ANO3: variants seen among roughly 807,000 people sequenced by gnomAD.
ANO3 encodes anoctamin 3, also known as anoctamin-3.
A neutral mutation model predicts 144.8 loss-of-function variants in ANO3; 99 were observed. The observed-to-expected ratio is 0.68, with a 90% CI of 0.58 to 0.81. The LOEUF (loss-of-function observed/expected upper bound fraction) is 0.81. ANO3 is among the 30% of genes least tolerant of loss of function. The pLI is 0.00. For synonymous variants in ANO3, 414 were observed against 392.6 expected (o/e 1.05, Z -0.64); for missense variants, 905 against 1,202.2 (o/e 0.75, Z 3.66).
intron 14 of ANO3, among the ~76,000 whole-genome samples, chr11:26,595,460 G>GTGTTTTTTTTTTTTTTTTTTT: frequency 9.9e-6 from 1 of 101,388 alleles, no homozygotes; most frequent in Admixed American, 1.3e-4. Flanking sequence ...AGATAGAGTT[G>GTGTTTTTTTTTTTTTTTTTTT]TTTTTTTTTT....
Position 26,194,388 on chromosome 11 carries a change from C to T in ANO3, c.154+5058C>T, listed in dbSNP as rs942039790. On this transcript the variant is annotated intron_variant, in intron 1 of 27. Coordinates refer to the ANO3 transcript ENST00000672621. ...ACTTGGTAGGAAGTGAAACAAATGT[C>T]ATAATTCTTTTTCTAATTTTCAAAA... Among the ~76,000 whole-genome samples the T allele has an allele frequency of 3.4e-5, 5 of 147,442 alleles. No individual in the cohort carries two copies. In the South Asian group the frequency reaches 8.6e-4, roughly 25 times the overall value.
chr11:26,502,557 G>A (rs1304570112), intron 4 of ANO3, among the ~76,000 whole-genome samples: 1 of 152,048 alleles, frequency 6.6e-6, no homozygotes, highest in Non-Finnish European at 1.5e-5. Flanking sequence ...AATTTTATAT[G>A]TGCTGGATAA....
chr11:26,496,974 G>GTATATATA (rs71047855), intron 4 of ANO3, among the ~76,000 whole-genome samples: 12,510 of 136,154 alleles, frequency 0.092, 677 homozygotes, highest in South Asian at 0.2. Flanking sequence ...AATGTTGTGT[G>GTATATATA]TATATATATA....
intron 4 of ANO3, among the ~76,000 whole-genome samples, chr11:26,502,009 T>A (rs1470235538): frequency 1.3e-5 from 2 of 152,180 alleles, no homozygotes; most frequent in Non-Finnish European, 2.9e-5. Flanking sequence ...TACTGCACTT[T>A]GTGTTTTGTA....
At chr11:26,470,652 G>A (rs1339163280) in intron 4 of ANO3, among the ~76,000 whole-genome samples, 2 of 151,808 alleles carry the variant, frequency 1.3e-5, no homozygotes, top group Non-Finnish European at 2.9e-5. Context: ...TAATAAAGTG[G>A]CTGTAAAAAA....
At chr11:26,368,513 A>G (rs1856156360) in intron 1 of ANO3, among the ~76,000 whole-genome samples, 1 of 152,134 alleles carries the variant, frequency 6.6e-6, no homozygotes, top group Admixed American at 6.6e-5. Context: ...GAATAATAGT[A>G]CCTTTGACCA....
At chr11:26,498,001 G>T (rs371664435) in intron 4 of ANO3, among the ~76,000 whole-genome samples, 2 of 152,060 alleles carry the variant, frequency 1.3e-5, no homozygotes, top group African/African-American at 4.8e-5. Flanking sequence ...TAGAGTTTGT[G>T]TAGAAAGTTG....
At chr11:26,222,883 C>T (rs368868202) in intron 1 of ANO3, among the ~76,000 whole-genome samples, 3 of 152,130 alleles carry the variant, frequency 2.0e-5, no homozygotes, top group South Asian at 2.1e-4. Flanking sequence ...TCCTCCTAGG[C>T]CTCTGGACCT....
intron 4 of ANO3, among the ~76,000 whole-genome samples, chr11:26,485,906 C>T (rs1292160478): frequency 6.6e-6 from 1 of 152,156 alleles, no homozygotes; most frequent in Non-Finnish European, 1.5e-5. Flanking sequence ...AGTGAACAGA[C>T]AACCTGCACT....
intron 14 of ANO3, among the ~76,000 whole-genome samples, chr11:26,590,585 G>A (rs1851416752): frequency 6.6e-6 from 1 of 152,206 alleles, no homozygotes; most frequent in African/African-American, 2.4e-5. Flanking sequence ...CTTGGGCCCT[G>A]TGGTGAGTGC....
At chr11:26,496,732 G>T (rs945329462) in intron 4 of ANO3, among the ~76,000 whole-genome samples, 2 of 151,796 alleles carry the variant, frequency 1.3e-5, no homozygotes, top group African/African-American at 4.8e-5. Flanking sequence ...ATATTCGTGT[G>T]TACATATAAT....
At position 26,661,719 on chromosome 11, in the gene ANO3, G is replaced by A. The variant is rs1410751130; in HGVS notation, c.*1275G>A. 2 of 152,038 alleles carry A rather than the reference G, an allele frequency of 1.3e-5. No individual in the cohort carries two copies. Among genetic ancestry groups the A allele is most frequent in the Non-Finnish European group, 2.9e-5 (2 of 68,000 alleles). 9.4% of individuals were successfully genotyped at this position (152,038 alleles called of 1,614,324 possible). On this transcript the variant is annotated 3_prime_UTR_variant, in exon 27 of 27. Coordinates refer to ENST00000256737, the MANE Select transcript of ANO3 (RefSeq NM_031418.4). Reference sequence around the variant, plus strand: ...ACAAAAGACATAATTTTGCTTTGTTGTGGAATTTCTATTTCAACGTCAACT... The same window carrying A: ...ACAAAAGACATAATTTTGCTTTGTTATGGAATTTCTATTTCAACGTCAACT...
upstream of ANO3, among the ~76,000 whole-genome samples, chr11:26,307,308 T>A (rs1005839432): frequency 6.6e-6 from 1 of 151,830 alleles, no homozygotes; most frequent in Non-Finnish European, 1.5e-5. Flanking sequence ...AAGCTAAGAT[T>A]GCGTCATTGC....
chr11:26,460,112 A>G (rs1240841186), intron 3 of ANO3: 2 of 454,486 alleles, frequency 4.4e-6, no homozygotes, highest in Non-Finnish European at 8.8e-6. Flanking sequence ...AAGTCATAGC[A>G]ATATCTTTGC....
intron 8 of ANO3, 121 bp downstream of exon 8, chr11:26,531,457 T>C: frequency 1.7e-6 from 2 of 1,162,018 alleles, no homozygotes; most frequent in South Asian, 1.7e-5. Context: ...CTTATCATTG[T>C]ATTAAAATAC....
chr11:26,500,840 G>T (rs1375134318), intron 4 of ANO3, among the ~76,000 whole-genome samples: 1 of 151,690 alleles, frequency 6.6e-6, no homozygotes, highest in Non-Finnish European at 1.5e-5. Context: ...AATAAGTAGG[G>T]TCTGTAACAA....
intron 10 of ANO3, among the ~76,000 whole-genome samples, chr11:26,537,987 G>A (rs929814268): frequency 2.0e-5 from 3 of 152,070 alleles, no homozygotes; most frequent in African/African-American, 7.2e-5. Flanking sequence ...CTTTCTTTAA[G>A]GCAATTTCAC....
At chr11:26,499,945 G>T (rs1861125561) in intron 4 of ANO3, among the ~76,000 whole-genome samples, 2 of 151,832 alleles carry the variant, frequency 1.3e-5, no homozygotes, top group South Asian at 4.1e-4. Flanking sequence ...CCCTGTACCT[G>T]TTAGGAATTA....
At chr11:26,200,210 C>T (rs1309895429) in intron 1 of ANO3, among the ~76,000 whole-genome samples, 1 of 152,168 alleles carries the variant, frequency 6.6e-6, no homozygotes, top group Non-Finnish European at 1.5e-5. Context: ...CTAACCTGAA[C>T]TAGGAGCTCA....
Sources: allele counts gnomAD v4.1 joint callset (sites outside exome capture counted in the v4.1 genomes callset), GRCh38; gene constraint gnomAD v4.1.1; transcripts MANE v1.5; gene names NCBI Gene and HGNC (gene_info 2026-07-23, HGNC 2026-07-21).